C5AR2: variants seen among roughly 807,000 people sequenced by gnomAD.
The protein encoded by C5AR2 is C5a anaphylatoxin chemotactic receptor 2.
For synonymous variants in C5AR2, 224 were observed against 216.5 expected (o/e 1.03, Z -0.30); for missense variants, 458 against 467.5 (o/e 0.98, Z 0.19).
intron 1 of C5AR2, among the ~76,000 whole-genome samples, chr19:47,335,403 A>C (rs2059353515): frequency 6.6e-6 from 1 of 152,166 alleles, no homozygotes; most frequent in Non-Finnish European, 1.5e-5. Flanking sequence ...TTTCTGGTTA[A>C]GACGTTACAA....
chr19:47,335,296 T>C, intron 1 of C5AR2, among the ~76,000 whole-genome samples: 1 of 151,976 alleles, frequency 6.6e-6, no homozygotes. Flanking sequence ...TGAGGACGAA[T>C]GGGGTTGATA....
At position 47,341,230 on chromosome 19, in the gene C5AR2, C is replaced by T. The variant is rs375770018; in HGVS notation, c.431C>T (p.Thr144Met). The T allele has an allele frequency of 2.5e-4, 407 of 1,601,676 alleles. No individual in the cohort carries two copies. Among genetic ancestry groups the T allele is most frequent in the Non-Finnish European group, 3.3e-4 (385 of 1,179,874 alleles). The change falls in exon 2 of 2, where the codon ACG becomes ATG. Residue 144 changes from threonine (T) to methionine (M), a missense_variant. Coordinates refer to ENST00000595464, the MANE Select transcript of C5AR2 (RefSeq NM_001271749.2). The surrounding 1 kb of genome is among the most constrained non-coding windows in gnomAD (Gnocchi z 4.6). Reference protein sequence around the residue: ...FLALGPAWWSTVQRACGVQVA... With the variant: ...FLALGPAWWSMVQRACGVQVA... ...GCTCTCGGGCCTGCCTGGTGGTCTA[C>T]GGTTCAGCGGGCGTGCGGGGTGCAG...
chr19:47,346,899 C>T lies in C5AR2; in HGVS notation c.*5086C>T, dbSNP rs1969127459. On this transcript the variant is annotated 3_prime_UTR_variant, in exon 2 of 2. Transcript: ENST00000595464. ...AATCCTCCCATTAATCTATTGGGAC[C>T]AGTTGCCACTTAGGAGCATTCTTTG... 1 of 152,190 alleles carries T rather than the reference C, an allele frequency of 6.6e-6. No homozygotes were observed. The highest frequency in any genetic ancestry group is 2.4e-5 in the African/African-American group (1 of 41,462). 9.4% of individuals were successfully genotyped at this position (152,190 alleles called of 1,614,324 possible).
chr19:47,339,968 T>C (rs1160040223), intron 1 of C5AR2, among the ~76,000 whole-genome samples: 1 of 152,082 alleles, frequency 6.6e-6, no homozygotes, highest in East Asian at 1.9e-4. Context: ...TTTCCTATTT[T>C]TTTTTATTTT....
rs999832818 is a variant in C5AR2 at position 47,346,949 on chromosome 19, T to C, written c.*5136T>C. ...GATAACTTTTACAAAACATCTTTTG[T>C]GGTTTTTGAAATGTTTTCATTTTGT... is the stretch of plus-strand genomic sequence containing the variant. On this transcript the variant is annotated 3_prime_UTR_variant, in exon 2 of 2. Transcript: ENST00000595464. The C allele has an allele frequency of 2.0e-5, 3 of 152,220 alleles. No individual in the cohort carries two copies. Among genetic ancestry groups the C allele is most frequent in the Non-Finnish European group, 4.4e-5 (3 of 68,038 alleles). 9.4% of individuals were successfully genotyped at this position (152,220 alleles called of 1,614,324 possible). A position where few individuals can be genotyped will look rare whatever the true frequency, so the allele number is the denominator to read the frequency against.
intron 1 of C5AR2, among the ~76,000 whole-genome samples, chr19:47,339,261 C>G (rs550206465): frequency 6.6e-6 from 1 of 152,088 alleles, no homozygotes; most frequent in Non-Finnish European, 1.5e-5. Flanking sequence ...GCGTTGCCCA[C>G]GTGGCCCTAC....
intron 1 of C5AR2, among the ~76,000 whole-genome samples, chr19:47,333,124 C>T (rs1245256644): frequency 3.9e-5 from 6 of 152,016 alleles, no homozygotes. Flanking sequence ...CCTGCCCCAG[C>T]CTGCTGAGTA....
chr19:47,333,752 G>T (rs1006209124), intron 1 of C5AR2, among the ~76,000 whole-genome samples: 1 of 151,840 alleles, frequency 6.6e-6, no homozygotes, highest in Admixed American at 6.6e-5. Context: ...CTAATTTTTT[G>T]TATTTTTTAG....
At chr19:47,339,258 C>T (rs1390407631) in intron 1 of C5AR2, among the ~76,000 whole-genome samples, 1 of 152,116 alleles carries the variant, frequency 6.6e-6, no homozygotes, top group Non-Finnish European at 1.5e-5. Flanking sequence ...CTTGCGTTGC[C>T]CACGTGGCCC....
intron 1 of C5AR2, among the ~76,000 whole-genome samples, chr19:47,333,984 T>C (rs1001224443): frequency 1.3e-5 from 2 of 152,092 alleles, no homozygotes; most frequent in Non-Finnish European, 2.9e-5. Flanking sequence ...GTGCTTGCAA[T>C]CACAACAAAA....
intron 1 of C5AR2, among the ~76,000 whole-genome samples, chr19:47,339,314 G>A (rs998323278): frequency 6.6e-6 from 1 of 151,310 alleles, no homozygotes; most frequent in Non-Finnish European, 1.5e-5. Flanking sequence ...GTTTTGTTTT[G>A]TTTTGTTTTT....
At chr19:47,336,392 G>T (rs577615920) in intron 1 of C5AR2, among the ~76,000 whole-genome samples, 2 of 150,724 alleles carry the variant, frequency 1.3e-5, no homozygotes, top group African/African-American at 2.4e-5. Context: ...GCCCGGCTAG[G>T]GGGGGTTCAG....
chr19:47,340,774 C>G lies in C5AR2; in HGVS notation c.-15-11C>G. On this transcript the variant is annotated splice_polypyrimidine_tract_variant and intron_variant, in intron 1 of 1. Coordinates refer to ENST00000595464, the MANE Select transcript of C5AR2 (RefSeq NM_001271749.2). Reference sequence around the variant, plus strand: ...TCCTCTGAGTTTTCATCGTCTTTCTCTCCTGCCCAGACACCAGGAGCCTGA... The same window carrying G: ...TCCTCTGAGTTTTCATCGTCTTTCTGTCCTGCCCAGACACCAGGAGCCTGA... 6.2e-7 allele frequency: 1 copy of G among 1,612,760 alleles called. No homozygotes were observed. The highest frequency in any genetic ancestry group is 8.5e-7 in the Non-Finnish European group (1 of 1,179,652).
chr19:47,340,709 G>A, intron 1 of C5AR2, 76 bp from the exon 2 acceptor site: 1 of 1,373,432 alleles, frequency 7.3e-7, no homozygotes, highest in Non-Finnish European at 1.0e-6. Flanking sequence ...GGTGGGCCGG[G>A]CTGATGGACA....
At chr19:47,336,751 C>T (rs1472095227) in intron 1 of C5AR2, among the ~76,000 whole-genome samples, 1 of 151,542 alleles carries the variant, frequency 6.6e-6, no homozygotes, top group African/African-American at 2.4e-5. Flanking sequence ...TCAAGCGATC[C>T]TTCCTCCTCA....
intron 1 of C5AR2, among the ~76,000 whole-genome samples, chr19:47,338,684 AATAATT>A (rs984333440): frequency 5.1e-5 from 7 of 138,264 alleles, no homozygotes; most frequent in East Asian, 2.2e-4. Context: ...TAATAATAAT[AATAATT>A]AATCAGGCAT....
At position 47,339,440 on chromosome 19, in the gene C5AR2, C is replaced by T. The variant is rs187257813; in HGVS notation, c.-15-1345C>T. On this transcript the variant is annotated intron_variant, in intron 1 of 1. Transcript: ENST00000595464. ...CAAGTGATCCCTCCTGCCTCAGCCTCCTGAGTAGCTGGGATTACAGGCGTC... is the reference window on the plus strand; with the variant it reads ...CAAGTGATCCCTCCTGCCTCAGCCTTCTGAGTAGCTGGGATTACAGGCGTC... 9.3e-3 allele frequency among the ~76,000 whole-genome samples: 1,418 copies of T among 152,136 alleles called. 18 individuals are homozygous for T. Among genetic ancestry groups the T allele is most frequent in the Admixed American group, 0.032 (491 of 15,276 alleles).
At chr19:47,339,187 T>TC (rs1310090632) in intron 1 of C5AR2, among the ~76,000 whole-genome samples, 2 of 152,140 alleles carry the variant, frequency 1.3e-5, no homozygotes, top group East Asian at 3.9e-4. Context: ...ATAGATTATG[T>TC]CGCTTCCTTG....
In C5AR2 at chr19:47,346,939, A is replaced by G. The variant is rs1453272235; in HGVS notation, c.*5126A>G. 6.6e-6 allele frequency: 1 copy of G among 152,144 alleles called. No homozygotes were observed. Among genetic ancestry groups the G allele is most frequent in the Non-Finnish European group, 1.5e-5 (1 of 68,022 alleles). The allele number at this position is 152,144 out of a possible 1,614,324, so 9.4% of individuals were successfully genotyped here. On this transcript the variant is annotated 3_prime_UTR_variant, in exon 2 of 2. Coordinates refer to ENST00000595464, the MANE Select transcript of C5AR2 (RefSeq NM_001271749.2). ...AGCATTCTTTGATAACTTTTACAAAACATCTTTTGTGGTTTTTGAAATGTT... is the reference window on the plus strand; with the variant it reads ...AGCATTCTTTGATAACTTTTACAAAGCATCTTTTGTGGTTTTTGAAATGTT...
Sources: allele counts gnomAD v4.1 joint callset (sites outside exome capture counted in the v4.1 genomes callset), GRCh38; gene constraint gnomAD v4.1.1; non-coding constraint Gnocchi (gnomAD v3.1); transcripts MANE v1.5; gene names NCBI Gene and HGNC (gene_info 2026-07-23, HGNC 2026-07-21).